The following HRH1 variants were observed in gnomAD, a reference collection of about 807,000 sequenced individuals.
HRH1 encodes histamine H1 receptor.
HRH1 carries 6 observed loss-of-function variants against 10.3 expected under a neutral mutation model. The observed-to-expected ratio is 0.58, with a 90% CI of 0.32 to 1.15. The LOEUF is 1.15. Among genes scored for constraint, HRH1 ranks in the 50% most tolerant of loss-of-function variants. HRH1 has a pLI of 0.05. For missense variants in HRH1, 514 were observed against 615.3 expected, an observed-to-expected ratio of 0.84 and a Z score of 1.74; for synonymous variants, 242 against 236.7, an observed-to-expected ratio of 1.02 and a Z score of -0.21.
At chr3:11,189,765 A>T (rs1250122879) in intron 1 of HRH1, among the ~76,000 whole-genome samples, 2 of 142,340 alleles carry the variant, frequency 1.4e-5, no homozygotes. Context: ...CTCTACTAAA[A>T]AAATAAATAA....
At chr3:11,192,773 C>G (rs1274945110) in intron 1 of HRH1, among the ~76,000 whole-genome samples, 1 of 152,166 alleles carries the variant, frequency 6.6e-6, no homozygotes, top group Non-Finnish European at 1.5e-5. Context: ...CAAGTATCAT[C>G]ATCTAAGCAG....
At chr3:11,204,788 G>A (rs1938056585) in intron 1 of HRH1, among the ~76,000 whole-genome samples, 1 of 152,234 alleles carries the variant, frequency 6.6e-6, no homozygotes, top group Admixed American at 6.5e-5. Flanking sequence ...GTCAGAGGCA[G>A]AGGCAGGCTT....
intron 1 of HRH1, among the ~76,000 whole-genome samples, chr3:11,244,929 T>C (rs1939439992): frequency 6.6e-6 from 1 of 152,170 alleles, no homozygotes; most frequent in African/African-American, 2.4e-5. Context: ...GACTGGGGGC[T>C]TGCAGCTACT....
At chr3:11,241,862 G>C (rs956247294) in intron 1 of HRH1, among the ~76,000 whole-genome samples, 2 of 150,082 alleles carry the variant, frequency 1.3e-5, no homozygotes, top group African/African-American at 4.9e-5. Context: ...GCACCAATCA[G>C]TGCTCTCTAA....
chr3:11,240,733 C>T (rs2152579906), intron 1 of HRH1, among the ~76,000 whole-genome samples: 1 of 152,362 alleles, frequency 6.6e-6, no homozygotes, highest in Middle Eastern at 3.4e-3. Context: ...CTCTGTTCAT[C>T]ACAACCAGTG....
chr3:11,144,461 A>ATTTACC, intron 1 of HRH1, among the ~76,000 whole-genome samples: 1 of 149,798 alleles, frequency 6.7e-6, no homozygotes, highest in Non-Finnish European at 1.5e-5. Flanking sequence ...CTATAGGTAT[A>ATTTACC]TATACATATA....
intron 1 of HRH1, among the ~76,000 whole-genome samples, chr3:11,241,569 C>G (rs1939337477): frequency 6.6e-6 from 1 of 151,986 alleles, no homozygotes; most frequent in Admixed American, 6.6e-5. Flanking sequence ...CACGGTGGCT[C>G]ACGCCTGTAA....
intron 1 of HRH1, among the ~76,000 whole-genome samples, chr3:11,180,453 A>T (rs926234744): frequency 6.6e-6 from 1 of 152,172 alleles, no homozygotes; most frequent in East Asian, 1.9e-4. Context: ...TCGAGCTCCT[A>T]TGGGAATCTA....
At chr3:11,146,740 G>A (rs1389035457) in intron 1 of HRH1, among the ~76,000 whole-genome samples, 2 of 152,210 alleles carry the variant, frequency 1.3e-5, no homozygotes, top group Non-Finnish European at 1.5e-5. Flanking sequence ...CACTCTAGAG[G>A]AGAAACGAAT....
chr3:11,254,611 C>T (rs774085808), intron 1 of HRH1, among the ~76,000 whole-genome samples: 12 of 152,192 alleles, frequency 7.9e-5, no homozygotes, highest in African/African-American at 2.7e-4. Context: ...AGGTGGGTCT[C>T]GATCCCTTAC....
intron 1 of HRH1, among the ~76,000 whole-genome samples, chr3:11,160,624 C>T (rs551973671): frequency 1.2e-4 from 18 of 152,270 alleles, no homozygotes; most frequent in Admixed American, 4.6e-4. Context: ...TTCTTTCCTA[C>T]GTCACCTGCA....
At chr3:11,227,001 T>C (rs1298633434) in intron 1 of HRH1, among the ~76,000 whole-genome samples, 1 of 152,150 alleles carries the variant, frequency 6.6e-6, no homozygotes, top group Non-Finnish European at 1.5e-5. Flanking sequence ...TGGCCAGCCA[T>C]TAAAGAGTTT....
intron 1 of HRH1, among the ~76,000 whole-genome samples, chr3:11,184,508 A>C (rs1937415110): frequency 1.3e-5 from 2 of 152,244 alleles, no homozygotes; most frequent in Non-Finnish European, 1.5e-5. Flanking sequence ...CCTCCCAGAC[A>C]GGCATAAATT....
chr3:11,153,747 G>A (rs998293944), upstream of HRH1, among the ~76,000 whole-genome samples: 1 of 151,776 alleles, frequency 6.6e-6, no homozygotes, highest in Non-Finnish European at 1.5e-5. Flanking sequence ...GGGACCTGCA[G>A]AGGGGCCTCA....
chr3:11,236,718 A>G (rs1226191149), intron 1 of HRH1, among the ~76,000 whole-genome samples: 2 of 152,258 alleles, frequency 1.3e-5, no homozygotes, highest in Non-Finnish European at 2.9e-5. Flanking sequence ...AATAACTTCT[A>G]TATATAAATA....
intron 1 of HRH1, among the ~76,000 whole-genome samples, chr3:11,188,651 G>T (rs765247549): frequency 2.0e-5 from 3 of 152,184 alleles, no homozygotes; most frequent in Non-Finnish European, 4.4e-5. Context: ...AAACACTCTT[G>T]AATGTTCAAC....
chr3:11,263,254 C>T lies in HRH1; in HGVS notation c.*2753C>T, dbSNP rs137961114. ...CTTTAATAAATTGGTCATTTGGCTA[C>T]TTGGCTTGTGGACAATCTCTGACCT... is the stretch of plus-strand genomic sequence containing the variant. On this transcript the variant is annotated 3_prime_UTR_variant, in exon 2 of 2. Coordinates refer to ENST00000431010, the MANE Select transcript of HRH1 (RefSeq NM_001098212.2). 14 of 167,254 alleles carry T rather than the reference C, an allele frequency of 8.4e-5. No homozygotes were observed. The highest frequency in any genetic ancestry group is 3.1e-4 in the African/African-American group (13 of 41,594). 10.4% of individuals were successfully genotyped at this position (167,254 alleles called of 1,614,324 possible). A position where few individuals can be genotyped will look rare whatever the true frequency, so the allele number is the denominator to read the frequency against.
chr3:11,196,986 A>G lies in HRH1; in HGVS notation c.-36+42432A>G, dbSNP rs573762814. On this transcript the variant is annotated intron_variant, in intron 1 of 1. Transcript: ENST00000431010. Reference sequence around the variant, plus strand: ...AAAAAAAAAAAAAAATTAGCTGGGCATGGTGGTGGGCGCCTGTAGTCCCAG... The same window carrying G: ...AAAAAAAAAAAAAAATTAGCTGGGCGTGGTGGTGGGCGCCTGTAGTCCCAG... Among the ~76,000 whole-genome samples, 919 of 148,880 alleles carry G rather than the reference A, an allele frequency of 6.2e-3. 5 individuals carry two copies. The highest frequency in any genetic ancestry group is 0.022 in the African/African-American group (871 of 40,436).
intron 1 of HRH1, among the ~76,000 whole-genome samples, chr3:11,223,963 A>G (rs1052280247): frequency 6.6e-6 from 1 of 152,178 alleles, no homozygotes; most frequent in African/African-American, 2.4e-5. Flanking sequence ...TTGAGGGGAC[A>G]CAGAGGGCAC....
Sources: allele counts gnomAD v4.1 joint callset (sites outside exome capture counted in the v4.1 genomes callset), GRCh38; gene constraint gnomAD v4.1.1; transcripts MANE v1.5; gene names NCBI Gene and HGNC (gene_info 2026-07-23, HGNC 2026-07-21).